DOCK1: variants seen among roughly 807,000 people sequenced by gnomAD.
DOCK1 encodes the protein dedicator of cytokinesis 1.
DOCK1 carries 138 observed loss-of-function variants against 262.7 expected under a neutral mutation model. The ratio of observed to expected loss-of-function variants is 0.53; its 90% CI spans 0.46 to 0.61. The LOEUF (loss-of-function observed/expected upper bound fraction) is 0.61. DOCK1 is among the 20% of genes least tolerant of loss of function. The pLI, the probability that DOCK1 is intolerant of heterozygous loss-of-function variation, is 0.00. For missense variants in DOCK1, 1,908 were observed against 2,370.7 expected (o/e 0.80, Z 4.05); for synonymous variants, 866 against 867.4 (o/e 1.00, Z 0.03).
intron 37 of DOCK1, among the ~76,000 whole-genome samples, chr10:127,381,958 TATGGATGGATGGATGGATGGATGG>T (rs10541699): frequency 6.7e-6 from 1 of 149,914 alleles, no homozygotes. Flanking sequence ...TACAGTGACG[TATGGATGGATGGATGGATGGATGG>T]ATGGATGGAT....
intron 27 of DOCK1, among the ~76,000 whole-genome samples, chr10:127,150,499 C>G (rs1457902317): frequency 6.6e-6 from 1 of 152,212 alleles, no homozygotes; most frequent in Admixed American, 6.5e-5. Context: ...TGGCCCTGTC[C>G]TTTCACGACA....
At chr10:126,999,076 C>G (rs1250876607) in intron 8 of DOCK1, among the ~76,000 whole-genome samples, 2 of 151,368 alleles carry the variant, frequency 1.3e-5, no homozygotes, top group East Asian at 3.9e-4. Context: ...TCTAAATGAA[C>G]AAATAGGCTC....
intron 1 of DOCK1, among the ~76,000 whole-genome samples, chr10:126,941,761 G>GACAAA (rs1192975240): frequency 0.29 from 42,983 of 150,496 alleles, 6,431 homozygotes; most frequent in Non-Finnish European, 0.34. Flanking sequence ...TCTCAAAACA[G>GACAAA]ACAAAACAAA....
rs1324602130 is a variant in DOCK1, at chr10:126,963,630, CT to C, written c.47-7070del. ...CTTCCCTTCCCTTCCCTTCCCTTCC[CT>C]TCCCTTCCCTCCTTCCTTCCTTCCT... On this transcript the variant is annotated intron_variant, in intron 1 of 51. Coordinates refer to ENST00000623213, the MANE Select transcript of DOCK1 (RefSeq NM_001290223.2). Among the ~76,000 whole-genome samples the C allele has an allele frequency of 3.4e-3, 251 of 73,728 alleles. 6 individuals carry two copies. The highest frequency in any genetic ancestry group is 6.9e-3 in the African/African-American group (100 of 14,512). 48.4% of individuals were successfully genotyped at this position (73,728 alleles called of 152,430 possible). A position where few individuals can be genotyped will look rare whatever the true frequency, so the allele number is the denominator to read the frequency against.
In DOCK1 at chr10:127,447,484, T is replaced by C; in HGVS notation, c.5504T>C (p.Leu1835Ser). The change falls in exon 51 of 52, where the codon TTG becomes TCG. Residue 1835 changes from leucine (L) to serine (S), a missense_variant. Around this residue, in one of 9 missense-constraint regions of DOCK1, gnomAD observed 383 missense variants for 420.1 expected, o/e 0.91. Coordinates refer to ENST00000623213, the MANE Select transcript of DOCK1 (RefSeq NM_001290223.2). ...GGCAGCGTGGCAGATTACGGGAATT[T>C]GATGGAAAACCAGGACTTGCTGGGC... is the stretch of plus-strand genomic sequence containing the variant. ...LKGSVADYGN[L>S]MENQDLLGSP... 6.2e-7 allele frequency: 1 copy of C among 1,613,898 alleles called. No individual in the cohort carries two copies. The highest frequency in any genetic ancestry group is 8.5e-7 in the Non-Finnish European group (1 of 1,179,868).
At chr10:126,909,813 T>C (rs1213486443) in intron 1 of DOCK1, among the ~76,000 whole-genome samples, 1 of 152,278 alleles carries the variant, frequency 6.6e-6, no homozygotes, top group Non-Finnish European at 1.5e-5. Flanking sequence ...TTTTGTTAAC[T>C]TTTTATTTAA....
chr10:127,157,514 C>G (rs572566992), intron 27 of DOCK1, among the ~76,000 whole-genome samples: 25 of 152,256 alleles, frequency 1.6e-4, no homozygotes, highest in Non-Finnish European at 2.6e-4. Flanking sequence ...CCTTCTATAA[C>G]ATCATTTTCA....
intron 25 of DOCK1, among the ~76,000 whole-genome samples, chr10:127,119,325 C>T (rs558847464): frequency 2.6e-5 from 4 of 152,288 alleles, no homozygotes; most frequent in East Asian, 3.9e-4. Context: ...GGATTACAGG[C>T]GTGAGCCACC....
chr10:127,449,113 A>C (rs920905929), intron 51 of DOCK1, among the ~76,000 whole-genome samples: 1 of 152,214 alleles, frequency 6.6e-6, no homozygotes, highest in African/African-American at 2.4e-5. Flanking sequence ...AGGAGGCACC[A>C]GGTTCCCCTG....
intron 14 of DOCK1, 39 bp from the exon 15 acceptor site, chr10:127,024,646 A>G (rs777685729): frequency 1.9e-6 from 3 of 1,554,426 alleles, no homozygotes; most frequent in Admixed American, 3.7e-5. Context: ...GTCAAGCTCT[A>G]TGAGGTCTTA....
chr10:127,294,553 C>T (rs1383495784), intron 29 of DOCK1, among the ~76,000 whole-genome samples: 1 of 152,124 alleles, frequency 6.6e-6, no homozygotes, highest in Non-Finnish European at 1.5e-5. Flanking sequence ...AACTCCTGAC[C>T]TCAGGTGATC....
At chr10:126,982,690 T>C (rs1342888608) in intron 4 of DOCK1, among the ~76,000 whole-genome samples, 1 of 152,224 alleles carries the variant, frequency 6.6e-6, no homozygotes, top group Non-Finnish European at 1.5e-5. Flanking sequence ...ACTTTTAACA[T>C]ATGAAAAGAA....
chr10:127,176,522 G>C lies in DOCK1; in HGVS notation c.2847+48758G>C. On this transcript the variant is annotated intron_variant, in intron 27 of 51. Transcript: ENST00000623213. The surrounding 1 kb of genome is among the most constrained non-coding windows in gnomAD (Gnocchi z 4.4). ...TTCCTAATTATATTTAAGCAGGTGA[G>C]GTCGGCCTTTATGTTAAGGAAAATC... 1.2e-6 allele frequency: 1 copy of C among 806,272 alleles called. No individual in the cohort carries two copies. The highest frequency in any genetic ancestry group is 1.9e-6 in the Non-Finnish European group (1 of 518,876). 49.9% of individuals were successfully genotyped at this position (806,272 alleles called of 1,614,324 possible). A position where few individuals can be genotyped will look rare whatever the true frequency, so the allele number is the denominator to read the frequency against.
chr10:127,044,689 A>C (rs937910171), intron 21 of DOCK1, among the ~76,000 whole-genome samples: 1 of 152,116 alleles, frequency 6.6e-6, no homozygotes, highest in East Asian at 1.9e-4. Context: ...TCCGTGCTTG[A>C]ATTTCAGAAG....
At chr10:127,208,516 G>C (rs2057823367) in intron 27 of DOCK1, among the ~76,000 whole-genome samples, 1 of 152,090 alleles carries the variant, frequency 6.6e-6, no homozygotes, top group East Asian at 1.9e-4. Context: ...ATTGTTCTCT[G>C]TAACCATATG....
At chr10:127,090,549 C>T (rs576306403) in intron 23 of DOCK1, among the ~76,000 whole-genome samples, 4 of 151,958 alleles carry the variant, frequency 2.6e-5, no homozygotes, top group African/African-American at 7.2e-5. Context: ...CATCTTAACA[C>T]GAACAATTCA....
chr10:127,403,286 ATGGTTTTAGTTAATTTGC>A, intron 39 of DOCK1, 142 bp downstream of exon 39: 1 of 786,564 alleles, frequency 1.3e-6, no homozygotes, highest in Admixed American at 3.0e-5. Context: ...GCCTAGGAAG[ATGGTTTTAGTTAATTTGC>A]TGGTTGATAT....
intron 1 of DOCK1, among the ~76,000 whole-genome samples, chr10:126,918,186 G>A (rs992712808): frequency 2.0e-5 from 3 of 151,384 alleles, no homozygotes; most frequent in Admixed American, 6.5e-5. Context: ...AGCGTGCAGC[G>A]GGGACTCCAC....
Position 127,175,537 on chromosome 10 carries a change from C to A in DOCK1, c.2847+47773C>A. 6.2e-7 allele frequency: 1 copy of A among 1,610,622 alleles called. No homozygotes were observed. The highest frequency in any genetic ancestry group is 1.1e-5 in the South Asian group (1 of 91,072). ...TTGAGATGTGTGGCTCTCCTCCGCT[C>A]GTCATCTGCCGGGCAGAGTGACCAC... On this transcript the variant is annotated intron_variant, in intron 27 of 51. Transcript: ENST00000623213. The surrounding 1 kb of genome is among the most constrained non-coding windows in gnomAD (Gnocchi z 6.3).
Sources: gnomAD v4.1 joint callset for allele counts (sites outside exome capture counted in the v4.1 genomes callset) on GRCh38, gnomAD v4.1.1 for gene constraint, gnomAD v4.1.1 regional missense constraint, Gnocchi (gnomAD v3.1) non-coding constraint, MANE v1.5 for transcripts, NCBI Gene and HGNC (gene_info 2026-07-23, HGNC 2026-07-21) for gene names.